The following FRMD4A variants were observed in gnomAD, a reference collection of about 807,000 sequenced individuals.
FRMD4A encodes the protein FERM domain-containing protein 4A.
Under a neutral mutation model 129.1 loss-of-function variants are expected in FRMD4A, and 29 were observed. That is an observed-to-expected ratio of 0.22 (90% CI 0.17 to 0.31). The LOEUF (loss-of-function observed/expected upper bound fraction) is 0.31, where lower values mean the gene tolerates loss of function less well. Ranked by LOEUF, FRMD4A falls within the 10% of genes least tolerant of loss-of-function variation. The pLI, the probability that FRMD4A is intolerant of heterozygous loss-of-function variation, is 1.00. For synonymous variants in FRMD4A, 634 were observed against 571.6 expected, an observed-to-expected ratio of 1.11 and a Z score of -1.56; for missense variants, 1,272 against 1,375.8, an observed-to-expected ratio of 0.92 and a Z score of 1.19.
At chr10:13,892,869 A>C (rs1264039401) in intron 2 of FRMD4A, among the ~76,000 whole-genome samples, 1 of 152,206 alleles carries the variant, frequency 6.6e-6, no homozygotes, top group East Asian at 1.9e-4. Context: ...CTGACTGAAA[A>C]TTATACCTTT....
chr10:14,029,306 C>T (rs1169272266), intron 2 of FRMD4A, among the ~76,000 whole-genome samples: 1 of 152,026 alleles, frequency 6.6e-6, no homozygotes, highest in South Asian at 2.1e-4. Flanking sequence ...AAGCTGGTCT[C>T]TCCTTAGTCC....
chr10:14,129,764 G>A (rs1839143530), intron 2 of FRMD4A, among the ~76,000 whole-genome samples: 1 of 152,106 alleles, frequency 6.6e-6, no homozygotes, highest in Admixed American at 6.6e-5. Context: ...TGAAATATAA[G>A]ACAGGAACTC....
chr10:13,801,106 G>C (rs1159100474), intron 4 of FRMD4A, among the ~76,000 whole-genome samples: 1 of 152,160 alleles, frequency 6.6e-6, no homozygotes, highest in East Asian at 1.9e-4. Flanking sequence ...AACTAGCCAG[G>C]TGTGGTGGCA....
At chr10:13,924,096 A>T (rs138692995) in intron 2 of FRMD4A, among the ~76,000 whole-genome samples, 68 of 152,326 alleles carry the variant, frequency 4.5e-4, no homozygotes, top group African/African-American at 1.5e-3. Context: ...TAAGATCTTG[A>T]AGCTGTTATT....
At chr10:14,316,839 A>G (rs1383874415) in intron 2 of FRMD4A, among the ~76,000 whole-genome samples, 2 of 152,224 alleles carry the variant, frequency 1.3e-5, no homozygotes, top group African/African-American at 4.8e-5. Flanking sequence ...GAACAACTCC[A>G]TCCTGGACTT....
intron 2 of FRMD4A, chr10:14,007,909 TA>T: frequency 3.2e-6 from 3 of 947,586 alleles, no homozygotes; most frequent in Non-Finnish European, 4.0e-6. Flanking sequence ...GTTAAAAAAC[TA>T]AAATTACAGA....
At chr10:13,816,593 G>A (rs1239456785) in intron 3 of FRMD4A, among the ~76,000 whole-genome samples, 3 of 152,168 alleles carry the variant, frequency 2.0e-5, no homozygotes, top group African/African-American at 7.2e-5. Context: ...AATATCCCCC[G>A]CTGATGTGAC....
At chr10:14,208,233 A>G (rs1371705665) in intron 2 of FRMD4A, among the ~76,000 whole-genome samples, 1 of 152,074 alleles carries the variant, frequency 6.6e-6, no homozygotes, top group East Asian at 1.9e-4. Flanking sequence ...AACAAAAACC[A>G]AAGTTATTGC....
At chr10:13,898,131 G>A (rs1463566939) in intron 2 of FRMD4A, among the ~76,000 whole-genome samples, 1 of 152,098 alleles carries the variant, frequency 6.6e-6, no homozygotes, top group Admixed American at 6.6e-5. Flanking sequence ...CCAGCACTTT[G>A]GGAGGCCAAG....
At chr10:13,650,708 CCTAA>C (rs1460523136) in intron 24 of FRMD4A, among the ~76,000 whole-genome samples, 1 of 152,172 alleles carries the variant, frequency 6.6e-6, no homozygotes. Context: ...GCAATATTGT[CCTAA>C]CTTACTTTTC....
chr10:14,035,323 G>C (rs1285605559), intron 2 of FRMD4A, among the ~76,000 whole-genome samples: 1 of 151,268 alleles, frequency 6.6e-6, no homozygotes. Context: ...GAGGCGGGAG[G>C]ACTGCATGAA....
chr10:14,057,405 C>G (rs963779210), intron 2 of FRMD4A, among the ~76,000 whole-genome samples: 1 of 152,142 alleles, frequency 6.6e-6, no homozygotes, highest in African/African-American at 2.4e-5. Flanking sequence ...GTCATGTTGA[C>G]AAACACAACA....
chr10:13,810,763 G>T (rs771447053), intron 4 of FRMD4A, 51 bp downstream of exon 4: 2 of 982,838 alleles, frequency 2.0e-6, no homozygotes, highest in Non-Finnish European at 3.2e-6. Flanking sequence ...GCAGTTTCGG[G>T]TTCTGCACTG....
intron 6 of FRMD4A, among the ~76,000 whole-genome samples, chr10:13,774,268 G>A (rs2092541376): frequency 1.3e-5 from 2 of 152,232 alleles, no homozygotes; most frequent in Admixed American, 1.3e-4. Context: ...TGGAAGGGAA[G>A]AGAAAGTGAG....
intron 2 of FRMD4A, among the ~76,000 whole-genome samples, chr10:14,161,999 A>C (rs1474041398): frequency 6.6e-6 from 1 of 150,966 alleles, no homozygotes; most frequent in East Asian, 1.9e-4. Flanking sequence ...GTTTATATTA[A>C]ATTACTTTAA....
At chr10:14,261,526 T>G (rs888475242) in intron 2 of FRMD4A, among the ~76,000 whole-genome samples, 1 of 152,188 alleles carries the variant, frequency 6.6e-6, no homozygotes, top group Non-Finnish European at 1.5e-5. Flanking sequence ...GAAACAGCTC[T>G]CAGAGAAGCA....
intron 2 of FRMD4A, among the ~76,000 whole-genome samples, chr10:13,893,854 G>A (rs1230441133): frequency 2.0e-5 from 3 of 151,498 alleles, no homozygotes; most frequent in Non-Finnish European, 4.4e-5. Flanking sequence ...CATCCTTAGA[G>A]GAGTTGTTGA....
chr10:13,912,761 C>T (rs2094956644), intron 2 of FRMD4A, among the ~76,000 whole-genome samples: 1 of 151,938 alleles, frequency 6.6e-6, no homozygotes, highest in South Asian at 2.1e-4. Context: ...GATCTCCTGA[C>T]TTTGTGATCC....
At chr10:13,891,473 C>G (rs143556593) in intron 2 of FRMD4A, among the ~76,000 whole-genome samples, 3 of 151,970 alleles carry the variant, frequency 2.0e-5, no homozygotes, top group African/African-American at 7.2e-5. Flanking sequence ...CATTTAAAAA[C>G]TGTAACATAC....
Sources: allele counts gnomAD v4.1 joint callset (sites outside exome capture counted in the v4.1 genomes callset), GRCh38; gene constraint gnomAD v4.1.1; transcripts MANE v1.5; gene names NCBI Gene and HGNC (gene_info 2026-07-23, HGNC 2026-07-21).